Variants in DCC observed in about 807,000 individuals in gnomAD.
DCC encodes the protein DCC netrin 1 receptor.
DCC carries 58 observed loss-of-function variants against 172.5 expected under a neutral mutation model. That is an observed-to-expected ratio of 0.34 (90% CI 0.27 to 0.42). The LOEUF is 0.42. Ranked by LOEUF, DCC falls within the 10% of genes least tolerant of loss-of-function variation. The probability of loss-of-function intolerance (pLI) is 1.00; values close to 1 mark genes in which losing one functional copy is unlikely to be tolerated. For synonymous variants in DCC, 709 were observed against 644.5 expected (o/e 1.10, Z -1.52); for missense variants, 1,740 against 1,791.0 (o/e 0.97, Z 0.51).
At chr18:53,375,278 G>T (rs1182698712) in intron 15 of DCC, among the ~76,000 whole-genome samples, 4 of 152,074 alleles carry the variant, frequency 2.6e-5, no homozygotes, top group African/African-American at 9.7e-5. Context: ...CTGTTTTAAT[G>T]CTCTGCTATG....
chr18:52,691,290 G>A (rs1302933329), intron 1 of DCC, among the ~76,000 whole-genome samples: 1 of 152,056 alleles, frequency 6.6e-6, no homozygotes, highest in Admixed American at 6.6e-5. Context: ...CAGTGCCCTG[G>A]CCAAGGCTCA....
At chr18:52,844,533 C>T (rs1056811661) in intron 2 of DCC, among the ~76,000 whole-genome samples, 2 of 152,146 alleles carry the variant, frequency 1.3e-5, no homozygotes, top group Admixed American at 1.3e-4. Flanking sequence ...GCAACCATTT[C>T]CTCAGTGACT....
Position 53,508,040 on chromosome 18 carries a change from C to G in DCC, c.4111+8530C>G, listed in dbSNP as rs531566378. On this transcript the variant is annotated intron_variant, in intron 27 of 28. Coordinates refer to ENST00000442544, the MANE Select transcript of DCC (RefSeq NM_005215.4). ...TCCCGAGAGCTGGGACTACAGGTGC[C>G]TGCCACCATGCCCAGCTAATTTTTT... 2.6e-5 allele frequency among the ~76,000 whole-genome samples: 4 copies of G among 151,716 alleles called. No homozygotes were observed. In the South Asian group the frequency reaches 8.4e-4, roughly 32 times the overall value.
intron 1 of DCC, among the ~76,000 whole-genome samples, chr18:52,524,872 G>C (rs759514001): frequency 6.6e-6 from 1 of 150,666 alleles, no homozygotes; most frequent in Non-Finnish European, 1.5e-5. Context: ...CCCACAATAG[G>C]AATTTTTAGG....
intron 15 of DCC, among the ~76,000 whole-genome samples, chr18:53,367,138 C>T (rs1468658003): frequency 1.3e-5 from 2 of 152,122 alleles, no homozygotes; most frequent in Non-Finnish European, 2.9e-5. Flanking sequence ...TGTTTTAACT[C>T]ATTTTTGAAA....
At chr18:52,405,423 G>A (rs1986606279) in intron 1 of DCC, among the ~76,000 whole-genome samples, 1 of 135,228 alleles carries the variant, frequency 7.4e-6, no homozygotes, top group South Asian at 2.3e-4. Flanking sequence ...GTGATGATGA[G>A]CGTTTTTTCA....
chr18:52,460,029 A>G (rs556475062), intron 1 of DCC, among the ~76,000 whole-genome samples: 1 of 152,172 alleles, frequency 6.6e-6, no homozygotes, highest in African/African-American at 2.4e-5. Context: ...TTACGTGTGC[A>G]TATTTCTTTA....
chr18:52,736,972 G>C (rs1282793828), intron 1 of DCC, among the ~76,000 whole-genome samples: 1 of 152,098 alleles, frequency 6.6e-6, no homozygotes, highest in Non-Finnish European at 1.5e-5. Context: ...TTGGCTTTCT[G>C]TCTCAAAATT....
chr18:53,348,588 G>A (rs949270043), intron 15 of DCC, among the ~76,000 whole-genome samples: 1 of 152,168 alleles, frequency 6.6e-6, no homozygotes, highest in Non-Finnish European at 1.5e-5. Context: ...TGGGGGCTCT[G>A]ATCCCACATT....
intron 1 of DCC, among the ~76,000 whole-genome samples, chr18:52,547,186 T>G (rs540866077): frequency 6.6e-6 from 1 of 152,324 alleles, no homozygotes; most frequent in Admixed American, 6.5e-5. Context: ...GACATCCAAT[T>G]GCAGGCACAA....
At chr18:52,549,293 C>A (rs539073427) in intron 1 of DCC, among the ~76,000 whole-genome samples, 1 of 152,144 alleles carries the variant, frequency 6.6e-6, no homozygotes, top group Non-Finnish European at 1.5e-5. Context: ...ACTGGAGATA[C>A]GGACATTCTA....
chr18:53,379,784 T>C (rs575506635), intron 15 of DCC, among the ~76,000 whole-genome samples: 1 of 152,350 alleles, frequency 6.6e-6, no homozygotes, highest in East Asian at 1.9e-4. Context: ...ACTGAGGTGT[T>C]CTACAAGAAA....
In DCC at chr18:52,958,076, A is replaced by C. The variant is rs377481366; in HGVS notation, c.985+32706A>C. ...ATGAAGTGCAGCAGGAAAGCACACA[A>C]AAAAAATGGAGTGGCACATGCTCTG... On this transcript the variant is annotated intron_variant, in intron 5 of 28. Transcript: ENST00000442544. Among the ~76,000 whole-genome samples the C allele has an allele frequency of 7.9e-5, 12 of 152,094 alleles. 1 individual carries two copies. The East Asian group carries it at 9.7e-4, about 12-fold the overall frequency.
chr18:53,171,872 A>G (rs930630558), intron 8 of DCC, among the ~76,000 whole-genome samples: 4 of 151,998 alleles, frequency 2.6e-5, no homozygotes, highest in Non-Finnish European at 5.9e-5. Flanking sequence ...AAAAAAAATA[A>G]TAAACAATAG....
At chr18:52,549,798 T>A (rs2032714718) in intron 1 of DCC, among the ~76,000 whole-genome samples, 1 of 152,072 alleles carries the variant, frequency 6.6e-6, no homozygotes, top group Non-Finnish European at 1.5e-5. Context: ...TTATACTTTT[T>A]TTCTTTTCCA....
intron 2 of DCC, among the ~76,000 whole-genome samples, chr18:52,861,840 A>G (rs1366442761): frequency 6.6e-6 from 1 of 152,154 alleles, no homozygotes; most frequent in Non-Finnish European, 1.5e-5. Context: ...ATTCAAGAGT[A>G]TTTCAGGGTA....
intron 14 of DCC, among the ~76,000 whole-genome samples, chr18:53,322,681 G>T (rs969688455): frequency 4.6e-5 from 7 of 151,330 alleles, no homozygotes; most frequent in African/African-American, 1.7e-4. Context: ...TTATCAGTAG[G>T]ATATTAGGAT....
intron 1 of DCC, among the ~76,000 whole-genome samples, chr18:52,743,802 A>T (rs1003233032): frequency 5.9e-5 from 9 of 152,164 alleles, no homozygotes; most frequent in African/African-American, 2.2e-4. Context: ...TTACCTTTAT[A>T]TTTCCAAATT....
intron 7 of DCC, among the ~76,000 whole-genome samples, chr18:53,067,552 A>G (rs150643889): frequency 6.6e-6 from 1 of 152,166 alleles, no homozygotes; most frequent in Non-Finnish European, 1.5e-5. Flanking sequence ...AACTAGAATA[A>G]ATTGATACTA....
Sources: gnomAD v4.1 joint callset for allele counts (sites outside exome capture counted in the v4.1 genomes callset) on GRCh38, gnomAD v4.1.1 for gene constraint, MANE v1.5 for transcripts, NCBI Gene and HGNC (gene_info 2026-07-23, HGNC 2026-07-21) for gene names.